GRAMD1B: variants seen among roughly 807,000 people sequenced by gnomAD.
GRAMD1B encodes GRAM domain containing 1B.
In GRAMD1B, 37 loss-of-function variants were observed where a neutral mutation model predicts 99.7. The ratio of observed to expected loss-of-function variants is 0.37; its 90% CI spans 0.29 to 0.49. The LOEUF (loss-of-function observed/expected upper bound fraction) is 0.49, where lower values mean the gene tolerates loss of function less well. Among genes scored for constraint, GRAMD1B ranks in the 20% least tolerant of loss-of-function variants. GRAMD1B has a pLI of 0.98. For missense variants in GRAMD1B, 888 were observed against 1,009.2 expected (o/e 0.88, Z 1.63); for synonymous variants, 427 against 387.6 (o/e 1.10, Z -1.19).
chr11:123,449,024 C>G (rs1387475416), intron 1 of GRAMD1B, among the ~76,000 whole-genome samples: 11 of 152,212 alleles, frequency 7.2e-5, no homozygotes, highest in Admixed American at 7.2e-4. Context: ...ATGGGATGCT[C>G]TCTTATTTCC....
Position 123,603,333 on chromosome 11 carries a change from C to G in GRAMD1B, c.1051-93C>G, listed in dbSNP as rs944776967. 19 of 759,014 alleles carry G rather than the reference C, an allele frequency of 2.5e-5. No individual in the cohort carries two copies. The African/African-American group carries it at 3.1e-4, about 12-fold the overall frequency. The allele number at this position is 759,014 out of a possible 1,614,324, so 47.0% of individuals were successfully genotyped here. A position where few individuals can be genotyped will look rare whatever the true frequency, so the allele number is the denominator to read the frequency against. ...AGCTAAGGAGAGAGGAGTTTCTCCT[C>G]TTCTCCAGGGGAACCAGCCCGGCTC... On this transcript the variant is annotated intron_variant, in intron 8 of 19. Coordinates refer to ENST00000635736, the MANE Select transcript of GRAMD1B (RefSeq NM_001387025.1).
intron 1 of GRAMD1B, among the ~76,000 whole-genome samples, chr11:123,384,277 A>G (rs190094842): frequency 1.3e-5 from 2 of 152,354 alleles, no homozygotes; most frequent in East Asian, 3.9e-4. Flanking sequence ...CATTGTGCCA[A>G]AAATGATCTC....
chr11:123,469,967 G>C (rs1950927420), intron 1 of GRAMD1B, among the ~76,000 whole-genome samples: 2 of 152,162 alleles, frequency 1.3e-5, no homozygotes, highest in African/African-American at 4.8e-5. Flanking sequence ...TTACAACTCT[G>C]ATGTAAATAT....
At chr11:123,380,025 T>A (rs555999898) in intron 1 of GRAMD1B, among the ~76,000 whole-genome samples, 48 of 152,334 alleles carry the variant, frequency 3.2e-4, no homozygotes, top group African/African-American at 1.2e-3. Context: ...TCTCCAGCTT[T>A]AAAAAAATTA....
At chr11:123,525,798 G>A (rs565618192) in intron 2 of GRAMD1B, 129 of 302,192 alleles carry the variant, frequency 4.3e-4, no homozygotes, top group African/African-American at 2.5e-3. Context: ...GGCTGTTGAC[G>A]GCAACTCCAG....
intron 1 of GRAMD1B, among the ~76,000 whole-genome samples, chr11:123,380,622 G>A (rs890416262): frequency 6.6e-6 from 1 of 152,194 alleles, no homozygotes; most frequent in African/African-American, 2.4e-5. Context: ...TTGGCGTTAG[G>A]TGATAAAGAG....
At chr11:123,562,964 G>T (rs1323917171) in intron 2 of GRAMD1B, among the ~76,000 whole-genome samples, 1 of 152,228 alleles carries the variant, frequency 6.6e-6, no homozygotes, top group Non-Finnish European at 1.5e-5. Context: ...GCTCTATTCT[G>T]AGCGGCTCAG....
In GRAMD1B at chr11:123,625,396, A is replaced by G. The variant is rs1374961727; in HGVS notation, c.*2801A>G. 1 of 152,236 alleles carries G rather than the reference A, an allele frequency of 6.6e-6. No homozygotes were observed. Among genetic ancestry groups the G allele is most frequent in the East Asian group, 1.9e-4 (1 of 5,188 alleles). 9.4% of individuals were successfully genotyped at this position (152,236 alleles called of 1,614,324 possible). A position where few individuals can be genotyped will look rare whatever the true frequency, so the allele number is the denominator to read the frequency against. On this transcript the variant is annotated 3_prime_UTR_variant, in exon 20 of 20. Coordinates refer to ENST00000635736, the MANE Select transcript of GRAMD1B (RefSeq NM_001387025.1). ...TTTAAAGAATTTGCAGTTTCTAACAAGGTGAAGAACAGCTATAGGATCTAA... is the reference window on the plus strand; with the variant it reads ...TTTAAAGAATTTGCAGTTTCTAACAGGGTGAAGAACAGCTATAGGATCTAA...
intron 1 of GRAMD1B, among the ~76,000 whole-genome samples, chr11:123,420,314 T>A (rs948353726): frequency 1.7e-4 from 26 of 152,108 alleles, no homozygotes; most frequent in African/African-American, 5.6e-4. Context: ...TGATGACTCA[T>A]CTCAGATCTA....
At chr11:123,577,044 C>A (rs950319360) in intron 2 of GRAMD1B, among the ~76,000 whole-genome samples, 3 of 152,170 alleles carry the variant, frequency 2.0e-5, no homozygotes, top group African/African-American at 7.2e-5. Context: ...TTCTATATGC[C>A]CCAGACAATT....
At chr11:123,443,695 G>A (rs1018496762) in intron 1 of GRAMD1B, among the ~76,000 whole-genome samples, 4 of 151,886 alleles carry the variant, frequency 2.6e-5, no homozygotes, top group Non-Finnish European at 4.4e-5. Context: ...GCATTCTTCT[G>A]CCTCAGCCTC....
At chr11:123,374,822 G>A (rs2135751816) in intron 1 of GRAMD1B, among the ~76,000 whole-genome samples, 1 of 152,298 alleles carries the variant, frequency 6.6e-6, no homozygotes, top group African/African-American at 2.4e-5. Context: ...GTGCTGCGTT[G>A]CCATGAGGCA....
chr11:123,404,382 G>C (rs1947781824), intron 1 of GRAMD1B, among the ~76,000 whole-genome samples: 1 of 152,160 alleles, frequency 6.6e-6, no homozygotes, highest in Admixed American at 6.5e-5. Context: ...CACTATTGTG[G>C]TCGATATGGG....
At chr11:123,395,121 A>C (rs1591423299) in intron 1 of GRAMD1B, among the ~76,000 whole-genome samples, 1 of 152,164 alleles carries the variant, frequency 6.6e-6, no homozygotes, top group South Asian at 2.1e-4. Context: ...GGACTGTATC[A>C]TACTCATTTA....
chr11:123,392,270 T>C (rs1793856032), intron 1 of GRAMD1B, among the ~76,000 whole-genome samples: 1 of 151,890 alleles, frequency 6.6e-6, no homozygotes, highest in South Asian at 2.1e-4. Context: ...GAATGCATTC[T>C]AGTTTTAGCC....
chr11:123,552,415 CA>C (rs1945716964), intron 2 of GRAMD1B, among the ~76,000 whole-genome samples: 1 of 151,724 alleles, frequency 6.6e-6, no homozygotes, highest in Non-Finnish European at 1.5e-5. Flanking sequence ...GCTGGGATTA[CA>C]GGGGTGCATC....
At chr11:123,454,234 T>C (rs1950013190) in intron 1 of GRAMD1B, among the ~76,000 whole-genome samples, 1 of 152,230 alleles carries the variant, frequency 6.6e-6, no homozygotes, top group Admixed American at 6.5e-5. Flanking sequence ...ATCTCTCCAA[T>C]TTCCTGACAT....
chr11:123,457,441 C>G (rs1950210996), intron 1 of GRAMD1B, among the ~76,000 whole-genome samples: 1 of 152,234 alleles, frequency 6.6e-6, no homozygotes, highest in Non-Finnish European at 1.5e-5. Flanking sequence ...CCTTCTTTCT[C>G]AATCTTTGTG....
At chr11:123,503,639 C>T (rs150416131) in intron 2 of GRAMD1B, among the ~76,000 whole-genome samples, 1,943 of 152,144 alleles carry the variant, frequency 0.013, 14 homozygotes, top group Non-Finnish European at 0.021. Flanking sequence ...CTCTGCCTCC[C>T]GGGTTCAAGG....
Sources: gnomAD v4.1 joint callset for allele counts (sites outside exome capture counted in the v4.1 genomes callset) on GRCh38, gnomAD v4.1.1 for gene constraint, MANE v1.5 for transcripts, NCBI Gene and HGNC (gene_info 2026-07-23, HGNC 2026-07-21) for gene names.